The following SMYD2 variants were observed in gnomAD, a reference collection of about 807,000 sequenced individuals.
The protein encoded by SMYD2 is N-lysine methyltransferase SMYD2.
In SMYD2, 53 loss-of-function variants were observed where a neutral mutation model predicts 59.1. That is an observed-to-expected ratio of 0.90 (90% CI 0.72 to 1.13). The LOEUF (loss-of-function observed/expected upper bound fraction) is 1.13. SMYD2 is among the 50% of genes most tolerant of loss of function. The pLI is 0.00. For synonymous variants in SMYD2, 208 were observed against 198.8 expected (o/e 1.05, Z -0.39); for missense variants, 494 against 544.7 (o/e 0.91, Z 0.93).
intron 9 of SMYD2, 55 bp from the exon 10 acceptor site, chr1:214,331,963 G>A (rs1657361858): frequency 6.4e-7 from 1 of 1,554,176 alleles, no homozygotes; most frequent in Non-Finnish European, 8.7e-7. Flanking sequence ...AACCCAGCCT[G>A]GGGAAGCCTC....
intron 1 of SMYD2, among the ~76,000 whole-genome samples, chr1:214,284,567 C>CT (rs763176844): frequency 8.0e-4 from 100 of 125,192 alleles, no homozygotes; most frequent in South Asian, 3.6e-3. Flanking sequence ...AAGTTTTAGA[C>CT]TTTTTTTTTT....
chr1:214,281,173 A>G lies in SMYD2; in HGVS notation c.-82A>G. 1 of 1,003,352 alleles carries G rather than the reference A, an allele frequency of 1.0e-6. No individual in the cohort carries two copies. The highest frequency in any genetic ancestry group is 1.3e-6 in the Non-Finnish European group (1 of 793,998). 62.2% of individuals were successfully genotyped at this position (1,003,352 alleles called of 1,614,324 possible). ...GGGCGGCTCCCACCCCGCCCCCCGC[A>G]GCTCTAGGTGACGCGTCTCCAATAA... On this transcript the variant is annotated 5_prime_UTR_variant, in exon 1 of 12. Coordinates refer to ENST00000366957, the MANE Select transcript of SMYD2 (RefSeq NM_020197.3).
chr1:214,302,042 A>G (rs1376060320), intron 1 of SMYD2, among the ~76,000 whole-genome samples: 2 of 152,206 alleles, frequency 1.3e-5, no homozygotes, highest in African/African-American at 4.8e-5. Context: ...GTGTGGCAGT[A>G]AAGAATACAG....
rs934693012 is a variant in SMYD2 at position 214,281,539 on chromosome 1, TGGGGCGGGGTGG to T, written c.173+122_173+133del. On this transcript the variant is annotated intron_variant, in intron 1 of 11. Coordinates refer to ENST00000366957, the MANE Select transcript of SMYD2 (RefSeq NM_020197.3). The stretch of plus-strand genomic sequence containing the variant: ...CTCGCGGGGTCCTAGCGCCGGCCCT[TGGGGCGGGGTGG>T]GGGGCGGGGAGGGGAGGAGGCCCCG... 6.0e-4 allele frequency: 92 copies of T among 153,952 alleles called. 1 individual carries two copies. Among genetic ancestry groups the T allele is most frequent in the Middle Eastern group, 3.0e-3 (1 of 330 alleles). The allele number at this position is 153,952 out of a possible 1,614,324, so 9.5% of individuals were successfully genotyped here.
intron 2 of SMYD2, among the ~76,000 whole-genome samples, chr1:214,306,886 T>C (rs1244414373): frequency 6.6e-6 from 1 of 152,164 alleles, no homozygotes; most frequent in African/African-American, 2.4e-5. Flanking sequence ...ACTGGCAAGT[T>C]ATGGCTGGGC....
At chr1:214,308,386 A>G (rs141834429) in intron 2 of SMYD2, among the ~76,000 whole-genome samples, 122 of 152,364 alleles carry the variant, frequency 8.0e-4, no homozygotes, top group African/African-American at 2.8e-3. Flanking sequence ...TAAAGGTTTA[A>G]TAAAAGTAAG....
chr1:214,305,162 C>T, intron 1 of SMYD2, 25 bp from the exon 2 acceptor site: 3 of 1,611,734 alleles, frequency 1.9e-6, no homozygotes, highest in Non-Finnish European at 2.5e-6. Flanking sequence ...TCTGTCACCA[C>T]TACAGTGCCC....
intron 1 of SMYD2, among the ~76,000 whole-genome samples, chr1:214,286,166 A>G (rs1236372831): frequency 2.0e-5 from 3 of 152,284 alleles, no homozygotes; most frequent in East Asian, 1.9e-4. Flanking sequence ...CTGAACTCCC[A>G]GGTTCCCTTA....
chr1:214,283,856 A>G (rs1656488181), intron 1 of SMYD2, among the ~76,000 whole-genome samples: 2 of 152,232 alleles, frequency 1.3e-5, no homozygotes, highest in Non-Finnish European at 2.9e-5. Flanking sequence ...GAATGACCCA[A>G]GAATTTCCAT....
chr1:214,305,717 G>T (rs913494903), intron 2 of SMYD2, among the ~76,000 whole-genome samples: 29 of 152,126 alleles, frequency 1.9e-4, no homozygotes, highest in Non-Finnish European at 1.5e-5. Flanking sequence ...TAGCCAGAGG[G>T]GGGGCTATTC....
intron 7 of SMYD2, 33 bp downstream of exon 7, chr1:214,327,757 G>T: frequency 4.4e-6 from 7 of 1,580,388 alleles, no homozygotes; most frequent in Non-Finnish European, 6.1e-6. Flanking sequence ...CTGCAGCAGG[G>T]GGCTTGAGAC....
intron 1 of SMYD2, among the ~76,000 whole-genome samples, chr1:214,293,350 G>A (rs752985639): frequency 2.6e-5 from 4 of 151,808 alleles, no homozygotes; most frequent in Admixed American, 6.6e-5. Flanking sequence ...CACCGCACCC[G>A]GTCCAAAGCT....
At chr1:214,322,600 G>A (rs367909497) in intron 5 of SMYD2, among the ~76,000 whole-genome samples, 72 of 152,234 alleles carry the variant, frequency 4.7e-4, no homozygotes, top group African/African-American at 1.4e-3. Flanking sequence ...AAGCCCCTGC[G>A]TTTGGCCCTT....
intron 1 of SMYD2, among the ~76,000 whole-genome samples, chr1:214,299,012 A>G (rs1010454619): frequency 6.6e-6 from 1 of 152,120 alleles, no homozygotes; most frequent in African/African-American, 2.4e-5. Flanking sequence ...TTAGCCGGAC[A>G]TGGTAGTGTG....
chr1:214,334,391 T>A (rs1204718423), intron 11 of SMYD2, 83 bp downstream of exon 11: 3 of 1,289,996 alleles, frequency 2.3e-6, no homozygotes, highest in Non-Finnish European at 3.4e-6. Context: ...CCAGGCTGAA[T>A]GGCTGAAGCA....
chr1:214,335,159 G>A (rs990566427), intron 11 of SMYD2, among the ~76,000 whole-genome samples: 1 of 152,234 alleles, frequency 6.6e-6, no homozygotes, highest in African/African-American at 2.4e-5. Flanking sequence ...CATGGACAGG[G>A]CCTGCAGGCC....
intron 2 of SMYD2, among the ~76,000 whole-genome samples, chr1:214,309,422 T>C (rs1418208898): frequency 6.6e-6 from 1 of 152,228 alleles, no homozygotes; most frequent in Non-Finnish European, 1.5e-5. Flanking sequence ...TTTTAGAAAG[T>C]TGTTATATAG....
chr1:214,321,398 TAC>T (rs1302456001), intron 5 of SMYD2, among the ~76,000 whole-genome samples: 1 of 149,062 alleles, frequency 6.7e-6, no homozygotes, highest in African/African-American at 2.4e-5. Context: ...TTCACACAAA[TAC>T]ACACACATAT....
At chr1:214,327,871 G>A (rs1165619183) in intron 7 of SMYD2, 147 bp downstream of exon 7, 6 of 625,474 alleles carry the variant, frequency 9.6e-6, no homozygotes, top group African/African-American at 3.6e-5. Flanking sequence ...AGGCTCTCCA[G>A]GAGTCAGTGA....
Sources: gnomAD v4.1 joint callset for allele counts (sites outside exome capture counted in the v4.1 genomes callset) on GRCh38, gnomAD v4.1.1 for gene constraint, MANE v1.5 for transcripts, NCBI Gene and HGNC (gene_info 2026-07-23, HGNC 2026-07-21) for gene names.